Variants in SLC30A3 observed in about 807,000 individuals in gnomAD.
The protein encoded by SLC30A3 is solute carrier family 30 member 3, also known as probable proton-coupled zinc antiporter SLC30A3.
In SLC30A3, 20 loss-of-function variants were observed where a neutral mutation model predicts 35.6. The ratio of observed to expected loss-of-function variants is 0.56; its 90% CI spans 0.39 to 0.82. The LOEUF (loss-of-function observed/expected upper bound fraction) is 0.82. Among genes scored for constraint, SLC30A3 ranks in the 40% least tolerant of loss-of-function variants. The pLI, the probability that SLC30A3 is intolerant of heterozygous loss-of-function variation, is 0.00. For synonymous variants in SLC30A3, 217 were observed against 224.7 expected (o/e 0.97, Z 0.31); for missense variants, 401 against 530.6 (o/e 0.76, Z 2.40).
In SLC30A3 at chr2:27,258,741, TC is replaced by T; in HGVS notation, c.277+11del. 6.2e-7 allele frequency: 1 copy of T among 1,613,706 alleles called. No individual in the cohort carries two copies. The highest frequency in any genetic ancestry group is 8.5e-7 in the Non-Finnish European group (1 of 1,179,818). ...TTGGAGAATGGGGTTTAAGGGCTGC[TC>T]CCCAACTTACCGACCACCTCCCCAG... On this transcript the variant is annotated intron_variant, in intron 2 of 7. Coordinates refer to ENST00000233535, the MANE Select transcript of SLC30A3 (RefSeq NM_003459.5). This position sits in a 1 kb window ranked among gnomAD's most constrained non-coding sequence, Gnocchi z 4.0.
At chr2:27,267,655 C>G (rs921421650), upstream of SLC30A3, among the ~76,000 whole-genome samples, 13 of 152,142 alleles carry the variant, frequency 8.5e-5, no homozygotes, top group African/African-American at 3.1e-4. Context: ...TGCAACCTGA[C>G]TGGATGCGGT....
Position 27,256,455 on chromosome 2 carries a change from C to T in SLC30A3, c.949G>A (p.Ala317Thr). Residue 317 changes from alanine to threonine, a missense_variant, in exon 7 of 8, where the codon GCA becomes ACA. Physicochemically the swap from Ala to Thr is moderately conservative, Grantham distance 58. This residue lies in a region of SLC30A3 where 296 missense variants were observed against 392.6 expected (regional missense o/e 0.75). Transcript: ENST00000233535. ...DTLLSVPGVR[A>T]THELHLWALT... ...GCCCACAGGTGCAGCTCATGGGTTG[C>T]CCGGACTCCTGGCACCGACAACAGC... is the stretch of plus-strand genomic sequence containing the variant. The T allele has an allele frequency of 6.2e-7, 1 of 1,614,054 alleles. No homozygotes were observed. Among genetic ancestry groups the T allele is most frequent in the Non-Finnish European group, 8.5e-7 (1 of 1,180,004 alleles).
rs752256200 is a variant in SLC30A3 at position 27,255,124 on chromosome 2, C to T, written c.*188G>A. 150 of 1,543,736 alleles carry T rather than the reference C, an allele frequency of 9.7e-5. 1 individual carries two copies. In the East Asian group the frequency reaches 2.9e-3, roughly 30 times the overall value. ...TTCCCCTGACTCCCACCCCACTCCC[C>T]GCCACACTTTGGTCTTGCCCACTGG... On this transcript the variant is annotated 3_prime_UTR_variant, in exon 8 of 8. Coordinates refer to ENST00000233535, the MANE Select transcript of SLC30A3 (RefSeq NM_003459.5). This position sits in a 1 kb window ranked among gnomAD's most constrained non-coding sequence, Gnocchi z 5.2.
At chr2:27,273,651 G>A (rs1391639910) in intron 1 of SLC30A3, among the ~76,000 whole-genome samples, 2 of 152,018 alleles carry the variant, frequency 1.3e-5, no homozygotes, top group African/African-American at 4.8e-5. Flanking sequence ...GTAATGCAAA[G>A]GTCTTCATCC....
At chr2:27,272,267 C>T (rs1677755348) in intron 1 of SLC30A3, among the ~76,000 whole-genome samples, 1 of 152,144 alleles carries the variant, frequency 6.6e-6, no homozygotes, top group African/African-American at 2.4e-5. Context: ...GGAAGATGGG[C>T]CCTGTAGTCT....
At chr2:27,275,711 T>G, upstream of SLC30A3, 1 of 162,452 alleles carries the variant, frequency 6.2e-6, no homozygotes. Context: ...TGCCAGGTCT[T>G]TCCCACAGCA....
intron 1 of SLC30A3, among the ~76,000 whole-genome samples, chr2:27,272,204 C>A (rs1000561608): frequency 3.3e-5 from 5 of 152,214 alleles, no homozygotes; most frequent in Non-Finnish European, 5.9e-5. Context: ...ACGTTATTAT[C>A]TCCCCTCTCA....
At position 27,256,021 on chromosome 2, in the gene SLC30A3, A is replaced by T. The variant is rs1002750240; in HGVS notation, c.1018+365T>A. Reference sequence around the variant, plus strand: ...TAGTTGCTGTACAGTCTTCACAAGCATCATTTTTAACAGTTATGTGATACC... The same window carrying T: ...TAGTTGCTGTACAGTCTTCACAAGCTTCATTTTTAACAGTTATGTGATACC... On this transcript the variant is annotated intron_variant, in intron 7 of 7. Coordinates refer to ENST00000233535, the MANE Select transcript of SLC30A3 (RefSeq NM_003459.5). 7 of 285,864 alleles carry T rather than the reference A, an allele frequency of 2.4e-5. No homozygotes were observed. In the Admixed American group the frequency reaches 2.8e-4, roughly 11 times the overall value. The allele number at this position is 285,864 out of a possible 1,614,324, so 17.7% of individuals were successfully genotyped here.
At position 27,262,741 on chromosome 2, in the gene SLC30A3, G is replaced by C; in HGVS notation, c.95+71C>G. On this transcript the variant is annotated intron_variant, in intron 1 of 7. Coordinates refer to ENST00000233535, the MANE Select transcript of SLC30A3 (RefSeq NM_003459.5). The surrounding 1 kb of genome is among the most constrained non-coding windows in gnomAD (Gnocchi z 7.5). ...GCGGCCGCCGGGGCCCGCGCCGAGAGAGACAACGAAATGGACGGAGGGTAG... is the reference window on the plus strand; with the variant it reads ...GCGGCCGCCGGGGCCCGCGCCGAGACAGACAACGAAATGGACGGAGGGTAG... 1 of 1,393,434 alleles carries C rather than the reference G, an allele frequency of 7.2e-7. No homozygotes were observed. The highest frequency in any genetic ancestry group is 9.4e-7 in the Non-Finnish European group (1 of 1,062,708). 86.3% of individuals were successfully genotyped at this position (1,393,434 alleles called of 1,614,324 possible).
upstream of SLC30A3, chr2:27,275,507 C>T (rs1677981491): frequency 3.0e-6 from 1 of 328,488 alleles, no homozygotes; most frequent in African/African-American, 2.2e-5. Context: ...AGTTTCACAC[C>T]CAAAAGGATG....
chr2:27,255,022 AGATGGCACCACAG>A lies in SLC30A3; in HGVS notation c.*277_*289del. 1 of 1,295,150 alleles carries A rather than the reference AGATGGCACCACAG, an allele frequency of 7.7e-7. No homozygotes were observed. Among genetic ancestry groups the A allele is most frequent in the Non-Finnish European group, 1.0e-6 (1 of 990,652 alleles). The allele number at this position is 1,295,150 out of a possible 1,614,324, so 80.2% of individuals were successfully genotyped here. On this transcript the variant is annotated 3_prime_UTR_variant, in exon 8 of 8. Transcript: ENST00000233535. This position sits in a 1 kb window ranked among gnomAD's most constrained non-coding sequence, Gnocchi z 5.2. ...TCGTGGCTCCACATGAACCATGGGG[AGATGGCACCACAG>A]GCCTTCAACACACCCTGCCACACTG...
upstream of SLC30A3, among the ~76,000 whole-genome samples, chr2:27,267,945 A>C (rs1348782876): frequency 6.6e-6 from 1 of 151,942 alleles, no homozygotes; most frequent in East Asian, 1.9e-4. Context: ...AAAAAAAAAA[A>C]AACTCAAAAA....
At chr2:27,272,442 C>T (rs1448376168) in intron 1 of SLC30A3, among the ~76,000 whole-genome samples, 1 of 151,734 alleles carries the variant, frequency 6.6e-6, no homozygotes, top group Admixed American at 6.6e-5. Context: ...CAATGGTCAA[C>T]AAACAAACAA....
intron 5 of SLC30A3, 75 bp from the exon 6 acceptor site, chr2:27,256,968 C>T (rs1471435641): frequency 4.8e-5 from 59 of 1,225,626 alleles, no homozygotes; most frequent in Non-Finnish European, 1.7e-5. Context: ...CTTGAACAAA[C>T]ATGACCTGAG....
Position 27,262,845 on chromosome 2 carries a change from C to T in SLC30A3, c.62G>A (p.Arg21His), listed in dbSNP as rs557397756. The stretch of plus-strand genomic sequence containing the variant: ...ACGCAGGCTGCCTCCGGCGCCACCG[C>T]GGTCCCGGGGGCTCACCAGGCGAGT... ...ETTRLVSPRDRGGAGGSLRLK... is the reference protein window; with the variant it reads ...ETTRLVSPRDHGGAGGSLRLK... The change falls in exon 1 of 8, where the codon CGC (arginine) becomes CAC (histidine). Residue 21 changes from arginine (R) to histidine (H), a missense_variant. By Grantham distance (29) the Arg-to-His change is conservative. Coordinates refer to ENST00000233535, the MANE Select transcript of SLC30A3 (RefSeq NM_003459.5). This position sits in a 1 kb window ranked among gnomAD's most constrained non-coding sequence, Gnocchi z 7.5. 8 of 1,566,810 alleles carry T rather than the reference C, an allele frequency of 5.1e-6. No individual in the cohort carries two copies. The South Asian group carries it at 8.1e-5, about 16-fold the overall frequency.
At chr2:27,263,272 GC>G (rs761592898), upstream of SLC30A3, 21 of 494,182 alleles carry the variant, frequency 4.2e-5, no homozygotes, top group East Asian at 1.1e-3. Context: ...AGGCGAGCTA[GC>G]CCCACCTCTG....
At chr2:27,259,036 C>G in intron 1 of SLC30A3, 102 bp from the exon 2 acceptor site, 1 of 932,560 alleles carries the variant, frequency 1.1e-6, no homozygotes, top group Non-Finnish European at 1.6e-6. Flanking sequence ...CCATCTCCTT[C>G]CCCAGGCCTG....
In SLC30A3 at chr2:27,258,068, G is replaced by C. The variant is rs371602919; in HGVS notation, c.425-10C>G. 4.8e-5 allele frequency: 78 copies of C among 1,613,444 alleles called. No homozygotes were observed. The highest frequency in any genetic ancestry group is 1.7e-4 in the Middle Eastern group (1 of 6,056). ...AAAGCCCCCAGAGTCTCTGCGGGTG[G>C]GGGGGGAGACAAGCTGTCAGAGACC... is the stretch of plus-strand genomic sequence containing the variant. On this transcript the variant is annotated splice_polypyrimidine_tract_variant and intron_variant, in intron 3 of 7. Transcript: ENST00000233535. The surrounding 1 kb of genome is among the most constrained non-coding windows in gnomAD (Gnocchi z 4.0).
intron 1 of SLC30A3, among the ~76,000 whole-genome samples, chr2:27,270,466 G>A (rs943281828): frequency 5.3e-5 from 8 of 152,012 alleles, no homozygotes; most frequent in Non-Finnish European, 8.8e-5. Flanking sequence ...CAAATCTTAG[G>A]GGAGGGGAAG....
Sources: allele counts gnomAD v4.1 joint callset (sites outside exome capture counted in the v4.1 genomes callset), GRCh38; gene constraint gnomAD v4.1.1; regional missense constraint gnomAD v4.1.1; non-coding constraint Gnocchi (gnomAD v3.1); transcripts MANE v1.5; gene names NCBI Gene and HGNC (gene_info 2026-07-23, HGNC 2026-07-21).